LMX1A: variants seen among roughly 807,000 people sequenced by gnomAD.
LMX1A encodes the protein LIM homeobox transcription factor 1-alpha.
LMX1A carries 15 observed loss-of-function variants against 49.1 expected under a neutral mutation model. The ratio of observed to expected loss-of-function variants is 0.31; its 90% CI spans 0.20 to 0.47. LMX1A has a LOEUF of 0.47. Ranked by LOEUF, LMX1A falls within the 20% of genes least tolerant of loss-of-function variation. LMX1A has a pLI of 1.00. For missense variants in LMX1A, 372 were observed against 475.8 expected (o/e 0.78, Z 2.03); for synonymous variants, 167 against 185.7 (o/e 0.90, Z 0.82).
intron 3 of LMX1A, among the ~76,000 whole-genome samples, chr1:165,331,831 A>T (rs1483832419): frequency 6.6e-6 from 1 of 152,132 alleles, no homozygotes; most frequent in African/African-American, 2.4e-5. Flanking sequence ...GCACAAGAAT[A>T]GCTTGAACCC....
At chr1:165,337,657 T>C (rs1655934907) in intron 3 of LMX1A, among the ~76,000 whole-genome samples, 1 of 152,140 alleles carries the variant, frequency 6.6e-6, no homozygotes, top group African/African-American at 2.4e-5. Context: ...TGTGTACTGA[T>C]GTCCTTGGAT....
At chr1:165,264,200 C>T (rs1294185223) in intron 3 of LMX1A, among the ~76,000 whole-genome samples, 1 of 151,794 alleles carries the variant, frequency 6.6e-6, no homozygotes, top group Admixed American at 6.6e-5. Flanking sequence ...CACCAGCACC[C>T]CAACCACAAA....
At chr1:165,218,027 A>G (rs1468048360) in intron 4 of LMX1A, among the ~76,000 whole-genome samples, 1 of 152,236 alleles carries the variant, frequency 6.6e-6, no homozygotes, top group Non-Finnish European at 1.5e-5. Context: ...CAACTCTGCA[A>G]TTGTAGCACA....
chr1:165,332,344 G>C (rs1026309573), intron 3 of LMX1A, among the ~76,000 whole-genome samples: 6 of 151,604 alleles, frequency 4.0e-5, no homozygotes, highest in African/African-American at 4.8e-5. Context: ...AAAAGAAAGA[G>C]ATAGAATGTC....
At chr1:165,249,967 A>G (rs538876654) in intron 3 of LMX1A, among the ~76,000 whole-genome samples, 3 of 152,188 alleles carry the variant, frequency 2.0e-5, no homozygotes, top group African/African-American at 7.2e-5. Flanking sequence ...ATCCTCGGCA[A>G]ACTAATGCAG....
chr1:165,227,609 G>A (rs1652081543), intron 4 of LMX1A, among the ~76,000 whole-genome samples: 2 of 150,992 alleles, frequency 1.3e-5, no homozygotes, highest in South Asian at 4.2e-4. Flanking sequence ...ATGGTTAAGA[G>A]CAGTCTAGAG....
At chr1:165,208,488 G>T (rs72700499) in intron 6 of LMX1A, among the ~76,000 whole-genome samples, 14,322 of 152,152 alleles carry the variant, frequency 0.094, 731 homozygotes, top group South Asian at 0.14. Flanking sequence ...CTAGACGTAT[G>T]GAACAAGAGG....
intron 3 of LMX1A, among the ~76,000 whole-genome samples, chr1:165,288,061 C>T (rs959551583): frequency 1.3e-5 from 2 of 152,222 alleles, no homozygotes; most frequent in African/African-American, 4.8e-5. Context: ...TAAATCACCT[C>T]CAGGTCACTA....
At chr1:165,286,443 A>T (rs185947714) in intron 3 of LMX1A, among the ~76,000 whole-genome samples, 2 of 152,164 alleles carry the variant, frequency 1.3e-5, no homozygotes, top group East Asian at 3.8e-4. Context: ...AATTCTGACA[A>T]TACCTGGACA....
intron 4 of LMX1A, among the ~76,000 whole-genome samples, chr1:165,215,262 C>T (rs1017270867): frequency 6.6e-6 from 1 of 152,176 alleles, no homozygotes; most frequent in Non-Finnish European, 1.5e-5. Flanking sequence ...AGCAGCAAGC[C>T]GAGATCACGC....
intron 4 of LMX1A, among the ~76,000 whole-genome samples, chr1:165,220,502 C>T (rs574021278): frequency 6.6e-6 from 1 of 152,076 alleles, no homozygotes; most frequent in Non-Finnish European, 1.5e-5. Context: ...CTTATTGGAG[C>T]CTTCCACCTA....
At chr1:165,239,548 C>A (rs79456791) in intron 4 of LMX1A, among the ~76,000 whole-genome samples, 1 of 152,128 alleles carries the variant, frequency 6.6e-6, no homozygotes, top group African/African-American at 2.4e-5. Flanking sequence ...AATGCTGAGC[C>A]TCAAACTAAG....
At chr1:165,328,451 A>T (rs985537998) in intron 3 of LMX1A, among the ~76,000 whole-genome samples, 1 of 152,052 alleles carries the variant, frequency 6.6e-6, no homozygotes, top group African/African-American at 2.4e-5. Flanking sequence ...CCTCTGCAGC[A>T]CTCCCACCTA....
intron 3 of LMX1A, among the ~76,000 whole-genome samples, chr1:165,271,471 T>G (rs1571192944): frequency 6.6e-6 from 1 of 152,326 alleles, no homozygotes; most frequent in East Asian, 1.9e-4. Flanking sequence ...GTTTTGTGTT[T>G]GTTGCAGCCC....
intron 3 of LMX1A, among the ~76,000 whole-genome samples, chr1:165,312,860 C>G (rs1395113630): frequency 3.3e-5 from 5 of 152,134 alleles, no homozygotes; most frequent in Non-Finnish European, 7.3e-5. Flanking sequence ...TTTCCAGTTG[C>G]TAAATTTTGG....
At chr1:165,205,836 G>C (rs1460982591) in intron 8 of LMX1A, 28 bp downstream of exon 8, 1 of 1,609,192 alleles carries the variant, frequency 6.2e-7, no homozygotes, top group Non-Finnish European at 8.5e-7. Flanking sequence ...AGTTATGAGA[G>C]GGCCCGAGGG....
intron 4 of LMX1A, among the ~76,000 whole-genome samples, chr1:165,217,845 G>A (rs1651699166): frequency 6.6e-6 from 1 of 152,194 alleles, no homozygotes; most frequent in Admixed American, 6.5e-5. Context: ...CTTTCTTTGA[G>A]TCCTCCTTCC....
chr1:165,276,979 A>G (rs1195175484), intron 3 of LMX1A, among the ~76,000 whole-genome samples: 2 of 152,350 alleles, frequency 1.3e-5, no homozygotes, highest in East Asian at 3.9e-4. Context: ...GTCCATCATC[A>G]GCCAAATGCA....
At chr1:165,287,144 A>G (rs967891943) in intron 3 of LMX1A, among the ~76,000 whole-genome samples, 2 of 152,160 alleles carry the variant, frequency 1.3e-5, no homozygotes, top group Non-Finnish European at 2.9e-5. Context: ...ACTGCCTTCT[A>G]CCCCATTGGC....
Sources: allele counts gnomAD v4.1 joint callset (sites outside exome capture counted in the v4.1 genomes callset), GRCh38; gene constraint gnomAD v4.1.1; transcripts MANE v1.5; gene names NCBI Gene and HGNC (gene_info 2026-07-23, HGNC 2026-07-21).